Variants in TENM4 observed in about 807,000 individuals in gnomAD.
The protein encoded by TENM4 is teneurin transmembrane protein 4.
In TENM4, 82 loss-of-function variants were observed where a neutral mutation model predicts 243.3. That is an observed-to-expected ratio of 0.34 (90% confidence interval 0.28 to 0.40). The LOEUF is 0.40. Ranked by LOEUF, TENM4 falls within the 10% of genes least tolerant of loss-of-function variation. The pLI is 1.00. For synonymous variants in TENM4, 1,412 were observed against 1,456.3 expected (o/e 0.97, Z 0.69); for missense variants, 3,138 against 3,673.3 (o/e 0.85, Z 3.77).
chr11:78,836,105 C>T (rs938999069), intron 12 of TENM4, among the ~76,000 whole-genome samples: 1 of 152,188 alleles, frequency 6.6e-6, no homozygotes, highest in Non-Finnish European at 1.5e-5. Flanking sequence ...TGCCTGTAAT[C>T]CCAGTACTTT....
chr11:79,396,747 T>C (rs1858353845), intron 1 of TENM4, among the ~76,000 whole-genome samples: 1 of 152,232 alleles, frequency 6.6e-6, no homozygotes, highest in African/African-American at 2.4e-5. Flanking sequence ...TGGTGGCCAC[T>C]GGGTCTCCCA....
intron 3 of TENM4, among the ~76,000 whole-genome samples, chr11:79,152,585 T>G (rs998171753): frequency 6.6e-6 from 1 of 152,224 alleles, no homozygotes; most frequent in South Asian, 2.1e-4. Flanking sequence ...AACAATTTAT[T>G]TTTGGTTTAA....
chr11:79,296,235 G>A (rs1356701415), intron 2 of TENM4, among the ~76,000 whole-genome samples: 1 of 152,148 alleles, frequency 6.6e-6, no homozygotes, highest in Non-Finnish European at 1.5e-5. Flanking sequence ...CTCAGCAAAA[G>A]CAGAAGCTAC....
At chr11:78,812,394 G>T in intron 13 of TENM4, 78 bp from the exon 14 acceptor site, 1 of 1,490,830 alleles carries the variant, frequency 6.7e-7, no homozygotes, top group Non-Finnish European at 9.0e-7. Flanking sequence ...TCTCCTCCTG[G>T]CCTGCCTGGC....
In TENM4 at chr11:79,069,707, C is replaced by T. The variant is rs987385600; in HGVS notation, c.223+15G>A. 1.4e-5 allele frequency: 21 copies of T among 1,542,486 alleles called. No homozygotes were observed. In the East Asian group the frequency reaches 1.5e-4, roughly 11 times the overall value. On this transcript the variant is annotated intron_variant, in intron 5 of 33. Transcript: ENST00000278550. ...CACCTGCGCCTGAGGCCCGCCCCCT[C>T]GGCCTTGTCCTTACCTGTGCGGCAG...
chr11:78,914,891 G>T (rs1032559122), intron 6 of TENM4, among the ~76,000 whole-genome samples: 3 of 152,198 alleles, frequency 2.0e-5, no homozygotes, highest in Admixed American at 6.5e-5. Flanking sequence ...AGTGAACATT[G>T]GTGCCCCAGC....
intron 3 of TENM4, among the ~76,000 whole-genome samples, chr11:79,179,949 T>C (rs1249425562): frequency 6.6e-6 from 1 of 151,652 alleles, no homozygotes; most frequent in Non-Finnish European, 1.5e-5. Flanking sequence ...AGATTAAAGA[T>C]CTCCTTACCA....
intron 4 of TENM4, among the ~76,000 whole-genome samples, chr11:79,119,222 T>G (rs1281867749): frequency 1.3e-5 from 2 of 152,162 alleles, no homozygotes; most frequent in Admixed American, 1.3e-4. Context: ...CATCCAGGTC[T>G]AGAGAAATAG....
intron 4 of TENM4, among the ~76,000 whole-genome samples, chr11:79,080,605 A>G (rs1474569229): frequency 6.6e-6 from 1 of 152,150 alleles, no homozygotes; most frequent in Non-Finnish European, 1.5e-5. Flanking sequence ...TTTCTCCTGT[A>G]TCTGACACAT....
intron 2 of TENM4, among the ~76,000 whole-genome samples, chr11:79,258,820 T>C (rs1855743589): frequency 6.6e-6 from 1 of 152,180 alleles, no homozygotes; most frequent in Non-Finnish European, 1.5e-5. Flanking sequence ...ACTAGAATGA[T>C]GTGTCTGTCA....
intron 16 of TENM4, among the ~76,000 whole-genome samples, chr11:78,781,636 TGGCAAGA>T (rs1856839301): frequency 1.3e-5 from 2 of 152,144 alleles, no homozygotes; most frequent in Non-Finnish European, 2.9e-5. Flanking sequence ...ATGGAGAACA[TGGCAAGA>T]GGCTTTCCAT....
intron 6 of TENM4, among the ~76,000 whole-genome samples, chr11:78,904,207 A>C (rs1274911464): frequency 6.6e-6 from 1 of 151,738 alleles, no homozygotes; most frequent in East Asian, 1.9e-4. Context: ...AAAAATACAA[A>C]AAATTAGCCG....
chr11:78,708,525 G>A lies in TENM4; in HGVS notation c.4055-10C>T, dbSNP rs1590956365. 2.5e-6 allele frequency: 4 copies of A among 1,612,988 alleles called. No homozygotes were observed. The highest frequency in any genetic ancestry group is 1.1e-5 in the South Asian group (1 of 90,810). ...TTGTCCACTGTAATGCCTGGGGGCA[G>A]AGAAGCCAAAACAGGAACTCAGCAT... On this transcript the variant is annotated splice_polypyrimidine_tract_variant and intron_variant, in intron 26 of 33. Coordinates refer to ENST00000278550, the MANE Select transcript of TENM4 (RefSeq NM_001098816.3).
intron 7 of TENM4, among the ~76,000 whole-genome samples, chr11:78,901,848 G>A (rs1039075827): frequency 3.9e-5 from 6 of 152,240 alleles, no homozygotes; most frequent in Admixed American, 2.0e-4. Context: ...AGGCGGGAGC[G>A]GGGAAGCTGC....
chr11:79,302,882 T>C (rs1333981763), intron 1 of TENM4, among the ~76,000 whole-genome samples: 2 of 152,204 alleles, frequency 1.3e-5, no homozygotes, highest in Admixed American at 6.5e-5. Context: ...ATCAGTTGCA[T>C]GTAAGGTGTT....
At chr11:79,351,927 A>C (rs1033708644) in intron 1 of TENM4, among the ~76,000 whole-genome samples, 1 of 152,126 alleles carries the variant, frequency 6.6e-6, no homozygotes, top group African/African-American at 2.4e-5. Flanking sequence ...GGTGCCATGG[A>C]AACAAATGAA....
chr11:78,958,425 A>AAAGGAAGGT (rs1434939015), intron 6 of TENM4, among the ~76,000 whole-genome samples: 1 of 152,198 alleles, frequency 6.6e-6, no homozygotes, highest in Non-Finnish European at 1.5e-5. Flanking sequence ...TTCAACTGTG[A>AAAGGAAGGT]CTAGTTGATA....
chr11:78,873,077 G>A (rs1250918551), intron 9 of TENM4, among the ~76,000 whole-genome samples: 1 of 152,126 alleles, frequency 6.6e-6, no homozygotes, highest in Non-Finnish European at 1.5e-5. Context: ...AGTGTTTGAT[G>A]TCCCTCCTTT....
intron 12 of TENM4, among the ~76,000 whole-genome samples, chr11:78,844,681 C>T (rs187383365): frequency 6.6e-6 from 1 of 152,058 alleles, no homozygotes; most frequent in Admixed American, 6.5e-5. Context: ...GATCTCTTTC[C>T]CTCCATATAT....
Sources: gnomAD v4.1 joint callset for allele counts (sites outside exome capture counted in the v4.1 genomes callset) on GRCh38, gnomAD v4.1.1 for gene constraint, MANE v1.5 for transcripts, NCBI Gene and HGNC (gene_info 2026-07-23, HGNC 2026-07-21) for gene names.